TENM4: variants seen among roughly 807,000 people sequenced by gnomAD.
TENM4 encodes teneurin transmembrane protein 4, also known as teneurin-4.
In TENM4, 82 loss-of-function variants were observed where a neutral mutation model predicts 243.3. That is an observed-to-expected ratio of 0.34 (90% confidence interval 0.28 to 0.40). TENM4 has a LOEUF of 0.40. Ranked by LOEUF, TENM4 falls within the 10% of genes least tolerant of loss-of-function variation. The pLI is 1.00. For synonymous variants in TENM4, 1,412 were observed against 1,456.3 expected, an observed-to-expected ratio of 0.97 and a Z score of 0.69; for missense variants, 3,138 against 3,673.3, an observed-to-expected ratio of 0.85 and a Z score of 3.77.
chr11:79,394,231 G>A (rs1211916036), intron 1 of TENM4, among the ~76,000 whole-genome samples: 7 of 152,190 alleles, frequency 4.6e-5, no homozygotes, highest in Non-Finnish European at 1.5e-5. Context: ...TGCAATTCAA[G>A]CCAACAAGTA....
chr11:79,024,537 C>G (rs1376386438), intron 6 of TENM4, among the ~76,000 whole-genome samples: 2 of 152,088 alleles, frequency 1.3e-5, no homozygotes, highest in Admixed American at 6.5e-5. Context: ...TGGTTTACAC[C>G]ATAAAATCAG....
chr11:79,187,983 C>T (rs909223376), intron 3 of TENM4, among the ~76,000 whole-genome samples: 1 of 152,212 alleles, frequency 6.6e-6, no homozygotes, highest in African/African-American at 2.4e-5. Context: ...TAATTCTACT[C>T]ATCTGCAAAG....
At chr11:78,699,083 AAC>A (rs1274306271) in intron 28 of TENM4, among the ~76,000 whole-genome samples, 14 of 152,168 alleles carry the variant, frequency 9.2e-5, no homozygotes, top group Non-Finnish European at 1.5e-4. Flanking sequence ...TTCACACCCA[AAC>A]AACACTTCTG....
rs559644857 is a variant in TENM4 at position 79,432,124 on chromosome 11, A to C, written c.-321+8385T>G. Among the ~76,000 whole-genome samples the C allele has an allele frequency of 3.3e-5, 5 of 152,356 alleles. No homozygotes were observed. The South Asian group carries it at 1.0e-3, about 32-fold the overall frequency. On this transcript the variant is annotated intron_variant, in intron 1 of 33. Transcript: ENST00000278550. ...GACTAGTGACTACTATATTGCATAG[A>C]ATAGCTCTAGATTATCTAGTGCATT...
intron 6 of TENM4, among the ~76,000 whole-genome samples, chr11:79,018,710 C>T (rs1004093176): frequency 1.9e-4 from 29 of 152,124 alleles, no homozygotes; most frequent in Admixed American, 5.2e-4. Flanking sequence ...TTAATATGTG[C>T]ATTGTGATTT....
chr11:79,020,922 T>G (rs1327825331), intron 6 of TENM4, among the ~76,000 whole-genome samples: 1 of 152,180 alleles, frequency 6.6e-6, no homozygotes, highest in Non-Finnish European at 1.5e-5. Context: ...TGCCTTACTC[T>G]TTGGAGTCCC....
intron 1 of TENM4, among the ~76,000 whole-genome samples, chr11:79,337,798 T>C (rs1418139217): frequency 6.6e-6 from 1 of 151,888 alleles, no homozygotes. Flanking sequence ...CTTGCCAGAG[T>C]GGGTTTCTGC....
intron 3 of TENM4, among the ~76,000 whole-genome samples, chr11:79,208,800 T>C (rs185954533): frequency 3.9e-5 from 6 of 152,228 alleles, no homozygotes; most frequent in Non-Finnish European, 7.3e-5. Context: ...TTCTGCATAC[T>C]TGGCTTTTCC....
Position 78,722,726 on chromosome 11 carries a change from A to G in TENM4, c.3742T>C (p.Phe1248Leu), listed in dbSNP as rs1218405558. ...GSDGSLYVGDFNYIRRIFPSG... is the reference protein window; with the variant it reads ...GSDGSLYVGDLNYIRRIFPSG... ...GGGAAGATCCTTCTAATGTAGTTGA[A>G]ATCACCCACATAGAGGCTCCCGTCA... is the stretch of plus-strand genomic sequence containing the variant. Residue 1248 changes from phenylalanine to leucine, a missense_variant, in exon 24 of 34, where the codon TTC becomes CTC. Transcript: ENST00000278550. 8 of 1,613,940 alleles carry G rather than the reference A, an allele frequency of 5.0e-6. No individual in the cohort carries two copies. Among genetic ancestry groups the G allele is most frequent in the Non-Finnish European group, 6.8e-6 (8 of 1,179,912 alleles).
intron 12 of TENM4, among the ~76,000 whole-genome samples, chr11:78,836,184 C>A (rs577219062): frequency 1.3e-5 from 2 of 150,510 alleles, no homozygotes; most frequent in South Asian, 2.1e-4. Flanking sequence ...ATGGTGAAAT[C>A]CTGTTTCTAC....
intron 3 of TENM4, among the ~76,000 whole-genome samples, chr11:79,153,196 C>A (rs1038806742): frequency 6.6e-6 from 1 of 152,128 alleles, no homozygotes; most frequent in Admixed American, 6.5e-5. Flanking sequence ...CAATTCAAAA[C>A]CCTTTTATAA....
intron 1 of TENM4, among the ~76,000 whole-genome samples, chr11:79,409,429 A>G (rs1242945776): frequency 6.6e-6 from 1 of 152,168 alleles, no homozygotes; most frequent in African/African-American, 2.4e-5. Context: ...TGTGTGACCC[A>G]GTGGAGAAGG....
intron 3 of TENM4, among the ~76,000 whole-genome samples, chr11:79,193,609 C>A (rs77746720): frequency 6.6e-6 from 1 of 152,072 alleles, no homozygotes; most frequent in Admixed American, 6.5e-5. Flanking sequence ...CACAGACTGA[C>A]ACATCTGATC....
intron 6 of TENM4, among the ~76,000 whole-genome samples, chr11:78,942,532 C>T (rs1274745067): frequency 3.9e-5 from 6 of 151,982 alleles, no homozygotes; most frequent in African/African-American, 7.2e-5. Flanking sequence ...AAAAGCCGTC[C>T]GGGGCTGCAG....
intron 1 of TENM4, among the ~76,000 whole-genome samples, chr11:79,316,718 C>A (rs145440190): frequency 2.6e-5 from 4 of 152,266 alleles, no homozygotes; most frequent in East Asian, 1.9e-4. Flanking sequence ...GAAGTGCAGG[C>A]GGGCAGGCAA....
chr11:79,157,497 C>T (rs1241822592), intron 3 of TENM4, among the ~76,000 whole-genome samples: 1 of 152,128 alleles, frequency 6.6e-6, no homozygotes, highest in Non-Finnish European at 1.5e-5. Flanking sequence ...GCTCTATGTG[C>T]TACAGCTACA....
intron 20 of TENM4, 108 bp from the exon 21 acceptor site, chr11:78,732,685 A>G: frequency 7.6e-7 from 1 of 1,321,058 alleles, no homozygotes. Context: ...AAAGGGTCTC[A>G]GCATTTCTTG....
intron 12 of TENM4, 126 bp downstream of exon 12, chr11:78,853,978 G>A (rs996824314): frequency 4.3e-5 from 40 of 934,486 alleles, no homozygotes; most frequent in Non-Finnish European, 5.2e-5. Context: ...GGAGGGTCTC[G>A]TGCCAAGCTC....
intron 1 of TENM4, among the ~76,000 whole-genome samples, chr11:79,401,460 A>G (rs1858460338): frequency 6.6e-6 from 1 of 152,222 alleles, no homozygotes; most frequent in Non-Finnish European, 1.5e-5. Flanking sequence ...TGACACTCAA[A>G]TGGAGACCTG....
Sources: gnomAD v4.1 joint callset for allele counts (sites outside exome capture counted in the v4.1 genomes callset) on GRCh38, gnomAD v4.1.1 for gene constraint, MANE v1.5 for transcripts, NCBI Gene and HGNC (gene_info 2026-07-23, HGNC 2026-07-21) for gene names.